NFIA: variants seen among roughly 807,000 people sequenced by gnomAD.
NFIA encodes the protein nuclear factor 1 A-type.
In NFIA, 8 loss-of-function variants were observed where a neutral mutation model predicts 62.8. The observed-to-expected ratio is 0.13, with a 90% CI of 0.07 to 0.23. The LOEUF (loss-of-function observed/expected upper bound fraction) is 0.23, where lower values mean the gene tolerates loss of function less well. Among genes scored for constraint, NFIA ranks in the 10% least tolerant of loss-of-function variants. The probability of loss-of-function intolerance (pLI) is 1.00; values close to 1 mark genes in which losing one functional copy is unlikely to be tolerated. For missense variants in NFIA, 410 were observed against 642.1 expected, an observed-to-expected ratio of 0.64 and a Z score of 3.91; for synonymous variants, 235 against 238.1, an observed-to-expected ratio of 0.99 and a Z score of 0.12.
chr1:61,266,748 CAT>C (rs1176879503), intron 2 of NFIA, among the ~76,000 whole-genome samples: 9 of 152,140 alleles, frequency 5.9e-5, no homozygotes, highest in Admixed American at 2.0e-4. Context: ...TTTCAACAAA[CAT>C]GTGTTAGTAT....
At chr1:61,428,226 T>C (rs1159072920) in intron 10 of NFIA, among the ~76,000 whole-genome samples, 1 of 152,222 alleles carries the variant, frequency 6.6e-6, no homozygotes, top group Non-Finnish European at 1.5e-5. Flanking sequence ...AAATGTATTA[T>C]ATGCCACTGT....
intron 10 of NFIA, among the ~76,000 whole-genome samples, chr1:61,444,351 T>C (rs563367462): frequency 6.6e-6 from 1 of 152,338 alleles, no homozygotes; most frequent in South Asian, 2.1e-4. Context: ...AAATTTTTAA[T>C]ACTAACGAGA....
At chr1:61,130,936 G>A (rs948918508) in intron 2 of NFIA, among the ~76,000 whole-genome samples, 3 of 152,102 alleles carry the variant, frequency 2.0e-5, no homozygotes, top group East Asian at 3.9e-4. Flanking sequence ...AGATTCATAA[G>A]ACGTTTCTTT....
intron 2 of NFIA, among the ~76,000 whole-genome samples, chr1:61,156,066 G>A (rs568419425): frequency 2.6e-5 from 4 of 152,246 alleles, no homozygotes; most frequent in South Asian, 2.1e-4. Context: ...CCCGGGAGGC[G>A]GAGGTTGCAG....
At chr1:61,250,444 A>T (rs1176389501) in intron 2 of NFIA, among the ~76,000 whole-genome samples, 1 of 152,216 alleles carries the variant, frequency 6.6e-6, no homozygotes, top group Non-Finnish European at 1.5e-5. Flanking sequence ...TGTTTTGCTA[A>T]AAGAGGAATG....
At chr1:61,316,525 A>G (rs1407433624) in intron 3 of NFIA, among the ~76,000 whole-genome samples, 2 of 152,176 alleles carry the variant, frequency 1.3e-5, no homozygotes, top group African/African-American at 4.8e-5. Flanking sequence ...TCAGTGGTGC[A>G]GGCCAGGGAT....
chr1:61,241,013 G>A (rs113387816), intron 2 of NFIA, among the ~76,000 whole-genome samples: 2 of 150,982 alleles, frequency 1.3e-5, no homozygotes, highest in South Asian at 4.2e-4. Context: ...CATGTTTTTG[G>A]TTTATAATTT....
chr1:61,250,647 C>G (rs1655967675), intron 2 of NFIA, among the ~76,000 whole-genome samples: 1 of 152,124 alleles, frequency 6.6e-6, no homozygotes, highest in Non-Finnish European at 1.5e-5. Context: ...TTCTACAGAG[C>G]ATAATGAATG....
chr1:61,319,668 C>T (rs899079664), intron 3 of NFIA, among the ~76,000 whole-genome samples: 5 of 151,796 alleles, frequency 3.3e-5, no homozygotes, highest in Non-Finnish European at 7.4e-5. Flanking sequence ...CAAAAAGGAG[C>T]GAAGGTTTTA....
chr1:61,419,721 G>T (rs1248467448), intron 9 of NFIA, among the ~76,000 whole-genome samples: 1 of 152,140 alleles, frequency 6.6e-6, no homozygotes, highest in Non-Finnish European at 1.5e-5. Flanking sequence ...TCTTTTCATG[G>T]TTTTTGTGAC....
intron 3 of NFIA, among the ~76,000 whole-genome samples, chr1:61,320,735 C>T (rs1355705204): frequency 6.6e-6 from 1 of 152,062 alleles, no homozygotes; most frequent in Non-Finnish European, 1.5e-5. Flanking sequence ...AATGGTCTGT[C>T]TCACAGCCCT....
At chr1:61,277,692 G>A in intron 3 of NFIA, 107 bp downstream of exon 3, 1 of 1,058,106 alleles carries the variant, frequency 9.5e-7, no homozygotes, top group Non-Finnish European at 1.4e-6. Context: ...GCCCACAGTA[G>A]GAACAACTCC....
At chr1:61,205,857 G>A (rs1371736946) in intron 2 of NFIA, among the ~76,000 whole-genome samples, 1 of 149,510 alleles carries the variant, frequency 6.7e-6, no homozygotes, top group Non-Finnish European at 1.5e-5. Context: ...ACAGTAGTCA[G>A]CAAATGCCCT....
intron 2 of NFIA, among the ~76,000 whole-genome samples, chr1:61,196,934 TGTGTGTGCGC>T (rs1465333491): frequency 1.7e-4 from 18 of 105,262 alleles, no homozygotes; most frequent in African/African-American, 7.5e-4. Flanking sequence ...TGTGTGTGTG[TGTGTGTGCGC>T]GCGCGCGCTG....
At chr1:61,203,732 G>A (rs1570373647) in intron 2 of NFIA, among the ~76,000 whole-genome samples, 1 of 152,148 alleles carries the variant, frequency 6.6e-6, no homozygotes, top group Non-Finnish European at 1.5e-5. Flanking sequence ...CTTAAACACT[G>A]GGATGGTGTT....
At chr1:61,401,407 A>G (rs1026778085) in intron 7 of NFIA, among the ~76,000 whole-genome samples, 1 of 152,224 alleles carries the variant, frequency 6.6e-6, no homozygotes, top group African/African-American at 2.4e-5. Flanking sequence ...TAAGTTGCTA[A>G]TGATTGTCTT....
chr1:61,081,903 A>G (rs1360843309), upstream of NFIA: 1 of 1,547,152 alleles, frequency 6.5e-7, no homozygotes, highest in East Asian at 2.4e-5. Flanking sequence ...GGGGAAAAAA[A>G]GTTACCTAGG....
intron 2 of NFIA, among the ~76,000 whole-genome samples, chr1:61,131,280 A>T (rs981140258): frequency 1.3e-5 from 2 of 151,896 alleles, no homozygotes; most frequent in Non-Finnish European, 2.9e-5. Context: ...TGATGTTATC[A>T]TTCTAATTAG....
intron 2 of NFIA, among the ~76,000 whole-genome samples, chr1:61,090,075 C>T (rs1646293405): frequency 6.6e-6 from 1 of 152,164 alleles, no homozygotes; most frequent in Non-Finnish European, 1.5e-5. Flanking sequence ...GAAAAGTCAG[C>T]ACCTCTCAAG....
Sources: gnomAD v4.1 joint callset for allele counts (sites outside exome capture counted in the v4.1 genomes callset) on GRCh38, gnomAD v4.1.1 for gene constraint, MANE v1.5 for transcripts, NCBI Gene and HGNC (gene_info 2026-07-23, HGNC 2026-07-21) for gene names.